Variants in LRP1B observed in about 807,000 individuals in gnomAD.
The protein encoded by LRP1B is LDL receptor related protein 1B.
A neutral mutation model predicts 556.6 loss-of-function variants in LRP1B; 217 were observed. That is an observed-to-expected ratio of 0.39 (90% confidence interval 0.35 to 0.44). LRP1B has a LOEUF of 0.44. Among genes scored for constraint, LRP1B ranks in the 20% least tolerant of loss-of-function variants. The pLI, the probability that LRP1B is intolerant of heterozygous loss-of-function variation, is 1.00. For synonymous variants in LRP1B, 2,047 were observed against 1,865.8 expected, an observed-to-expected ratio of 1.10 and a Z score of -2.50; for missense variants, 5,053 against 5,620.8, an observed-to-expected ratio of 0.90 and a Z score of 3.23.
chr2:141,986,664 A>T (rs913764038), intron 1 of LRP1B, among the ~76,000 whole-genome samples: 6 of 151,998 alleles, frequency 3.9e-5, no homozygotes, highest in African/African-American at 1.4e-4. Context: ...AGATATTTCT[A>T]AATGGTGACG....
intron 63 of LRP1B, among the ~76,000 whole-genome samples, chr2:140,447,731 T>G (rs1318625365): frequency 6.6e-6 from 1 of 152,220 alleles, no homozygotes; most frequent in Non-Finnish European, 1.5e-5. Context: ...GTATATCTTG[T>G]GTTTTGAGAT....
chr2:141,134,650 T>C (rs1276867387), intron 7 of LRP1B, among the ~76,000 whole-genome samples: 2 of 151,578 alleles, frequency 1.3e-5, no homozygotes, highest in East Asian at 1.9e-4. Flanking sequence ...ACATAGTACA[T>C]TGCCAACAGA....
At chr2:141,282,157 G>C (rs1045460160) in intron 3 of LRP1B, among the ~76,000 whole-genome samples, 2 of 152,044 alleles carry the variant, frequency 1.3e-5, no homozygotes, top group South Asian at 4.1e-4. Context: ...AGAGTTACCA[G>C]CTGTGCCTGC....
At chr2:140,764,220 G>A (rs1192602276) in intron 35 of LRP1B, among the ~76,000 whole-genome samples, 1 of 151,984 alleles carries the variant, frequency 6.6e-6, no homozygotes, top group Non-Finnish European at 1.5e-5. Context: ...TTATTAAATG[G>A]GTTTAAAAAT....
intron 1 of LRP1B, among the ~76,000 whole-genome samples, chr2:142,115,174 T>C (rs1707141415): frequency 6.6e-6 from 1 of 151,778 alleles, no homozygotes; most frequent in Non-Finnish European, 1.5e-5. Flanking sequence ...GTGCATTCAG[T>C]TAGAAGTCTG....
chr2:140,738,456 G>C (rs996649057), intron 35 of LRP1B, among the ~76,000 whole-genome samples: 1 of 152,060 alleles, frequency 6.6e-6, no homozygotes, highest in Non-Finnish European at 1.5e-5. Flanking sequence ...TCAAATTTCT[G>C]AATGGGGAGA....
At chr2:141,956,746 C>T (rs896623028) in intron 1 of LRP1B, among the ~76,000 whole-genome samples, 6 of 152,024 alleles carry the variant, frequency 3.9e-5, no homozygotes, top group South Asian at 2.1e-4. Context: ...CACTTAGCTT[C>T]GTGCTTTGCA....
chr2:140,510,298 A>T (rs528766694), intron 51 of LRP1B, among the ~76,000 whole-genome samples: 11 of 152,330 alleles, frequency 7.2e-5, no homozygotes, highest in Admixed American at 7.2e-4. Context: ...GTAGAAAATA[A>T]TGTACTTTAT....
intron 66 of LRP1B, among the ~76,000 whole-genome samples, chr2:140,399,578 G>C (rs988525833): frequency 6.6e-6 from 1 of 152,156 alleles, no homozygotes; most frequent in African/African-American, 2.4e-5. Context: ...GCTCTATGAA[G>C]AAAAGTACAT....
chr2:141,726,765 C>T (rs148572293), intron 2 of LRP1B, among the ~76,000 whole-genome samples: 1 of 152,074 alleles, frequency 6.6e-6, no homozygotes, highest in Non-Finnish European at 1.5e-5. Flanking sequence ...ATTACAAGAA[C>T]AATGTTAAAC....
chr2:141,258,460 C>A (rs1327049098), intron 3 of LRP1B, among the ~76,000 whole-genome samples: 1 of 152,100 alleles, frequency 6.6e-6, no homozygotes. Flanking sequence ...ACAGTTGAGA[C>A]TCCGCCTCAA....
chr2:140,288,386 A>C (rs1394620800), intron 84 of LRP1B, among the ~76,000 whole-genome samples: 1 of 151,824 alleles, frequency 6.6e-6, no homozygotes, highest in Non-Finnish European at 1.5e-5. Flanking sequence ...CTTCTCTTTA[A>C]AGCATTTAAA....
At chr2:141,384,823 C>T (rs1689769562) in intron 3 of LRP1B, among the ~76,000 whole-genome samples, 1 of 152,186 alleles carries the variant, frequency 6.6e-6, no homozygotes, top group Non-Finnish European at 1.5e-5. Flanking sequence ...ACCACCACTG[C>T]TATGTATCTT....
intron 43 of LRP1B, among the ~76,000 whole-genome samples, chr2:140,545,872 T>C (rs558581051): frequency 3.9e-5 from 6 of 152,236 alleles, no homozygotes; most frequent in Admixed American, 2.0e-4. Context: ...TTTAAAATAT[T>C]GATTATTCGT....
chr2:141,160,832 A>G (rs899398885), intron 7 of LRP1B, among the ~76,000 whole-genome samples: 1 of 128,022 alleles, frequency 7.8e-6, no homozygotes, highest in East Asian at 2.0e-4. Flanking sequence ...TATTTTGGTG[A>G]TGGCAAAATT....
At chr2:140,814,131 T>C (rs1187943053) in intron 31 of LRP1B, among the ~76,000 whole-genome samples, 1 of 152,100 alleles carries the variant, frequency 6.6e-6, no homozygotes, top group African/African-American at 2.4e-5. Context: ...TGCACCACTA[T>C]GCCCAGCTAA....
At chr2:141,516,698 T>C (rs1574035501) in intron 2 of LRP1B, among the ~76,000 whole-genome samples, 1 of 150,610 alleles carries the variant, frequency 6.6e-6, no homozygotes, top group Non-Finnish European at 1.5e-5. Context: ...CTCTCTTTTT[T>C]TTTTTTTTTT....
At position 141,517,029 on chromosome 2, in the gene LRP1B, A is replaced by AAAAAAAAAAAAAAC. The variant is rs772472942; in HGVS notation, c.206-36497_206-36496insGTTTTTTTTTTTTT. Among the ~76,000 whole-genome samples the AAAAAAAAAAAAAAC allele has an allele frequency of 2.3e-3, 204 of 90,164 alleles. 25 individuals carry two copies. The highest frequency in any genetic ancestry group is 8.5e-3 in the Middle Eastern group (1 of 118). 59.2% of individuals were successfully genotyped at this position (90,164 alleles called of 152,430 possible). A position where few individuals can be genotyped will look rare whatever the true frequency, so the allele number is the denominator to read the frequency against. ...TAAAAAAAAAAAAAAAAAAAAAAAAAAAAGTAAATCAATGAAATAATTTAA... is the reference window on the plus strand; with the variant it reads ...TAAAAAAAAAAAAAAAAAAAAAAAAAAAAAAAAAAAAAACAAAGTAAATCAATGAAATAATTTAA... On this transcript the variant is annotated intron_variant, in intron 2 of 90. Coordinates refer to ENST00000389484, the MANE Select transcript of LRP1B (RefSeq NM_018557.3).
At chr2:140,302,831 G>C (rs1020053608) in intron 83 of LRP1B, among the ~76,000 whole-genome samples, 2 of 151,754 alleles carry the variant, frequency 1.3e-5, no homozygotes, top group East Asian at 1.9e-4. Flanking sequence ...CTCCCACCCA[G>C]TTGCTCAGGT....
Sources: allele counts gnomAD v4.1 joint callset (sites outside exome capture counted in the v4.1 genomes callset), GRCh38; gene constraint gnomAD v4.1.1; transcripts MANE v1.5; gene names NCBI Gene and HGNC (gene_info 2026-07-23, HGNC 2026-07-21).